ERICH3: variants seen among roughly 807,000 people sequenced by gnomAD.
ERICH3 encodes glutamate-rich protein 3.
A neutral mutation model predicts 131.1 loss-of-function variants in ERICH3; 126 were observed. The ratio of observed to expected loss-of-function variants is 0.96; its 90% confidence interval spans 0.83 to 1.11. The LOEUF is 1.11. Ranked by LOEUF, ERICH3 falls within the 50% of genes most tolerant of loss-of-function variation. ERICH3 has a pLI of 0.00. For synonymous variants in ERICH3, 695 were observed against 644.6 expected (o/e 1.08, Z -1.18); for missense variants, 2,050 against 1,810.7 (o/e 1.13, Z -2.40).
chr1:74,572,656 A>T lies in ERICH3; in HGVS notation c.3054T>A (p.Leu1018=), dbSNP rs537825174. 1 of 1,613,740 alleles carries T rather than the reference A, an allele frequency of 6.2e-7. No homozygotes were observed. The highest frequency in any genetic ancestry group is 2.2e-5 in the East Asian group (1 of 44,818). ...CCTTGCAAAGGAAGGCTTCCTTTGCAAGGCTTCCTTCCTCAGGGCTGCCCT... is the reference window on the plus strand; with the variant it reads ...CCTTGCAAAGGAAGGCTTCCTTTGCTAGGCTTCCTTCCTCAGGGCTGCCCT... ...VSEGSPEEGS[L]AKEAFLCKED... Residue 1018 remains leucine (L), a synonymous_variant, in exon 14 of 15, where the codon CTT becomes CTA. Transcript: ENST00000326665.
At chr1:74,646,125 A>G (rs11210491) in intron 3 of ERICH3, among the ~76,000 whole-genome samples, 2,235 of 152,178 alleles carry the variant, frequency 0.015, 59 homozygotes, top group African/African-American at 0.051. Context: ...TTGTGCATCT[A>G]TGTTGACCAG....
chr1:74,613,847 C>T (rs1250050922), intron 8 of ERICH3, among the ~76,000 whole-genome samples: 6 of 152,066 alleles, frequency 3.9e-5, no homozygotes, highest in Middle Eastern at 3.2e-3. Context: ...ATATTTCTTA[C>T]GTCACTTCCT....
At chr1:74,654,037 C>G (rs183040758) in intron 1 of ERICH3, among the ~76,000 whole-genome samples, 35 of 152,274 alleles carry the variant, frequency 2.3e-4, no homozygotes, top group African/African-American at 7.5e-4. Context: ...CCTTTTCTCC[C>G]ATTTCAAATA....
At position 74,570,089 on chromosome 1, in the gene ERICH3, T is replaced by C. The variant is rs1398063476; in HGVS notation, c.*369A>G. The C allele has an allele frequency of 6.6e-6, 1 of 152,222 alleles. No homozygotes were observed. The highest frequency in any genetic ancestry group is 1.5e-5 in the Non-Finnish European group (1 of 68,044). The allele number at this position is 152,222 out of a possible 1,614,324, so 9.4% of individuals were successfully genotyped here. ...CTGTATTGTAAAATAAAAAGGACTT[T>C]AAACAAACCCCTAACATTAGGACTG... On this transcript the variant is annotated 3_prime_UTR_variant, in exon 15 of 15. Transcript: ENST00000326665.
intron 12 of ERICH3, chr1:74,586,316 AT>A: frequency 3.7e-6 from 3 of 811,672 alleles, no homozygotes; most frequent in Non-Finnish European, 4.5e-6. Context: ...ATACATAAAA[AT>A]AACATATGTA....
chr1:74,572,334 C>T lies in ERICH3; in HGVS notation c.3376G>A (p.Ala1126Thr). 1 of 1,613,776 alleles carries T rather than the reference C, an allele frequency of 6.2e-7. No homozygotes were observed. Among genetic ancestry groups the T allele is most frequent in the African/African-American group, 1.3e-5 (1 of 75,010 alleles). The change falls in exon 14 of 15, where the codon GCT (alanine) becomes ACT (threonine). Residue 1126 changes from alanine to threonine, a missense_variant. Transcript: ENST00000326665. ...GCCTCCACAGGTGCTTCGTTCTCAG[C>T]ATCAGATCCCATTTCATTTGGGGGA... ...KAPPNEMGSD[A>T]ENEAPVEASE...
chr1:74,655,782 C>T (rs1442062108), intron 1 of ERICH3, among the ~76,000 whole-genome samples: 1 of 152,126 alleles, frequency 6.6e-6, no homozygotes, highest in East Asian at 1.9e-4. Flanking sequence ...GGAGCAGAAA[C>T]ATTGGACACT....
At chr1:74,643,133 T>C (rs1646451027) in intron 3 of ERICH3, 35 bp from the exon 4 acceptor site, 1 of 1,529,924 alleles carries the variant, frequency 6.5e-7, no homozygotes, top group African/African-American at 1.4e-5. Flanking sequence ...GAGAGAATCA[T>C]ATCAGTTATA....
chr1:74,652,442 A>G (rs1158503555), intron 1 of ERICH3, among the ~76,000 whole-genome samples: 1 of 152,104 alleles, frequency 6.6e-6, no homozygotes, highest in Non-Finnish European at 1.5e-5. Flanking sequence ...TTACCCAGTT[A>G]CAAGAGCTCA....
chr1:74,668,657 GT>G, intron 1 of ERICH3, among the ~76,000 whole-genome samples: 1 of 152,226 alleles, frequency 6.6e-6, no homozygotes, highest in South Asian at 2.1e-4. Flanking sequence ...GAACATGTTT[GT>G]TAAAGGAGTA....
chr1:74,579,452 C>T (rs111651534), intron 12 of ERICH3: 4 of 985,356 alleles, frequency 4.1e-6, no homozygotes, highest in African/African-American at 3.5e-5. Flanking sequence ...GGGATGTTAT[C>T]ACCACTTGCC....
rs116009021 is a variant in ERICH3, at chr1:74,641,916, G to A, written c.316-457C>T. ...AAAAATCATATGAAGAGGCACAAGG[G>A]TAGCAAATCTCTGACAATGCTACAA... On this transcript the variant is annotated intron_variant, in intron 4 of 14. Transcript: ENST00000326665. Among the ~76,000 whole-genome samples, 250 of 152,226 alleles carry A rather than the reference G, an allele frequency of 1.6e-3. 3 individuals carry two copies. The highest frequency in any genetic ancestry group is 5.7e-3 in the African/African-American group (238 of 41,550).
chr1:74,673,182 A>G (rs1345783946), intron 1 of ERICH3, among the ~76,000 whole-genome samples: 1 of 152,140 alleles, frequency 6.6e-6, no homozygotes, highest in Non-Finnish European at 1.5e-5. Flanking sequence ...TCCACACCAC[A>G]GGATCTTCTT....
chr1:74,585,258 G>A (rs1346228754), intron 12 of ERICH3, among the ~76,000 whole-genome samples: 1 of 152,108 alleles, frequency 6.6e-6, no homozygotes, highest in East Asian at 1.9e-4. Flanking sequence ...ATAACACTAT[G>A]CCCTGTAATA....
At chr1:74,576,238 T>A (rs1016507325) in intron 13 of ERICH3, among the ~76,000 whole-genome samples, 1 of 152,236 alleles carries the variant, frequency 6.6e-6, no homozygotes, top group South Asian at 2.1e-4. Context: ...GCCCTAATAA[T>A]CTTCCTTGTG....
chr1:74,655,575 T>C (rs984149247), intron 1 of ERICH3, among the ~76,000 whole-genome samples: 8 of 152,188 alleles, frequency 5.3e-5, no homozygotes, highest in African/African-American at 1.9e-4. Context: ...TGTGATTACA[T>C]GGGGCCCACC....
At chr1:74,673,368 T>C in intron 1 of ERICH3, 129 bp downstream of exon 1, 1 of 1,062,368 alleles carries the variant, frequency 9.4e-7, no homozygotes, top group South Asian at 1.5e-5. Flanking sequence ...TTCGTATATA[T>C]TTTCCTCTCC....
Position 74,608,864 on chromosome 1 carries a change from G to C in ERICH3, c.1188-1962C>G, listed in dbSNP as rs1648523793. Among the ~76,000 whole-genome samples, 4 of 151,990 alleles carry C rather than the reference G, an allele frequency of 2.6e-5. No homozygotes were observed. In the South Asian group the frequency reaches 8.3e-4, roughly 31 times the overall value. ...TCAAGCTGTTCTTCCCTTATCAATT[G>C]CAACACCAAATCCATTGATTTGGAG... On this transcript the variant is annotated intron_variant, in intron 9 of 14. Transcript: ENST00000326665.
intron 1 of ERICH3, among the ~76,000 whole-genome samples, chr1:74,654,596 G>A (rs1288240077): frequency 6.6e-6 from 1 of 152,060 alleles, no homozygotes; most frequent in Non-Finnish European, 1.5e-5. Context: ...ATATGGGAGA[G>A]AACAGAGAGA....
Sources: allele counts gnomAD v4.1 joint callset (sites outside exome capture counted in the v4.1 genomes callset), GRCh38; gene constraint gnomAD v4.1.1; transcripts MANE v1.5; gene names NCBI Gene and HGNC (gene_info 2026-07-23, HGNC 2026-07-21).